The following CFAP61 variants were observed in gnomAD, a reference collection of about 807,000 sequenced individuals.
The protein encoded by CFAP61 is cilia- and flagella-associated protein 61.
A neutral mutation model predicts 135.6 loss-of-function variants in CFAP61; 107 were observed. The observed-to-expected ratio is 0.79, with a 90% CI of 0.67 to 0.93. The LOEUF (loss-of-function observed/expected upper bound fraction) is 0.93, where lower values mean the gene tolerates loss of function less well. Among genes scored for constraint, CFAP61 ranks in the 40% least tolerant of loss-of-function variants. The pLI, the probability that CFAP61 is intolerant of heterozygous loss-of-function variation, is 0.00. For missense variants in CFAP61, 1,507 were observed against 1,556.2 expected, an observed-to-expected ratio of 0.97 and a Z score of 0.53; for synonymous variants, 575 against 578.5, an observed-to-expected ratio of 0.99 and a Z score of 0.09.
intron 2 of CFAP61, among the ~76,000 whole-genome samples, chr20:20,061,709 C>G (rs979280938): frequency 6.6e-6 from 1 of 152,198 alleles, no homozygotes; most frequent in African/African-American, 2.4e-5. Context: ...TCTCCCGCCT[C>G]CCTGTGTTCC....
chr20:20,275,282 T>C (rs2053662728), intron 21 of CFAP61, among the ~76,000 whole-genome samples: 1 of 152,226 alleles, frequency 6.6e-6, no homozygotes, highest in Non-Finnish European at 1.5e-5. Context: ...CACAACGTGC[T>C]TCTTGTTTGA....
intron 25 of CFAP61, among the ~76,000 whole-genome samples, chr20:20,318,533 G>T (rs938323686): frequency 3.3e-5 from 5 of 152,190 alleles, no homozygotes; most frequent in East Asian, 3.9e-4. Flanking sequence ...CCGGAGGCAT[G>T]ATTTGAAACG....
At chr20:20,250,887 T>C (rs939732786) in intron 19 of CFAP61, among the ~76,000 whole-genome samples, 1 of 152,236 alleles carries the variant, frequency 6.6e-6, no homozygotes, top group Non-Finnish European at 1.5e-5. Flanking sequence ...TGGAAGCCAG[T>C]GCAGCCACAG....
At chr20:20,114,277 A>G (rs949658894) in intron 8 of CFAP61, among the ~76,000 whole-genome samples, 7 of 152,190 alleles carry the variant, frequency 4.6e-5, no homozygotes, top group African/African-American at 1.7e-4. Context: ...CTCTAAAATT[A>G]AATTAAATTT....
intron 20 of CFAP61, among the ~76,000 whole-genome samples, chr20:20,261,521 C>G (rs2052212339): frequency 2.6e-5 from 4 of 152,182 alleles, no homozygotes. Flanking sequence ...TGCTTGCCCC[C>G]TTTTTCTCCT....
chr20:20,075,842 T>C (rs893561870), intron 6 of CFAP61, among the ~76,000 whole-genome samples: 24 of 152,224 alleles, frequency 1.6e-4, no homozygotes, highest in African/African-American at 5.8e-4. Flanking sequence ...ACATTATTCA[T>C]TGACTCCTTA....
chr20:20,348,797 TA>T (rs36120926), intron 26 of CFAP61, among the ~76,000 whole-genome samples: 160 of 127,148 alleles, frequency 1.3e-3, no homozygotes, highest in East Asian at 6.3e-3. Context: ...GTAAAAACAC[TA>T]AAAAAAAAAA....
At chr20:20,055,586 C>G (rs1467074875) in intron 1 of CFAP61, among the ~76,000 whole-genome samples, 4 of 152,148 alleles carry the variant, frequency 2.6e-5, no homozygotes, top group Admixed American at 2.6e-4. Context: ...CGCTTTCTTT[C>G]TTCTTTTCTT....
chr20:20,131,792 T>A (rs1315573203), intron 8 of CFAP61, among the ~76,000 whole-genome samples: 1 of 152,102 alleles, frequency 6.6e-6, no homozygotes, highest in African/African-American at 2.4e-5. Context: ...ATTCTTGGTC[T>A]TAGCTGCAAC....
chr20:20,127,705 G>A (rs532223133), intron 8 of CFAP61, among the ~76,000 whole-genome samples: 4 of 151,620 alleles, frequency 2.6e-5, no homozygotes, highest in Non-Finnish European at 5.9e-5. Flanking sequence ...CTCTATTTTT[G>A]TGTTGGTTGG....
chr20:20,286,804 A>G (rs2054616822), intron 22 of CFAP61, among the ~76,000 whole-genome samples: 1 of 152,262 alleles, frequency 6.6e-6, no homozygotes. Flanking sequence ...CCAAAAGTGT[A>G]TAAGTAAACA....
intron 15 of CFAP61, among the ~76,000 whole-genome samples, chr20:20,194,479 TTC>T (rs1256116512): frequency 6.6e-6 from 1 of 152,238 alleles, no homozygotes; most frequent in Non-Finnish European, 1.5e-5. Context: ...TTTTTAAAAA[TTC>T]TCTGCTATTT....
chr20:20,217,872 C>G (rs868722769), intron 17 of CFAP61, among the ~76,000 whole-genome samples: 2 of 152,322 alleles, frequency 1.3e-5, no homozygotes, highest in Middle Eastern at 3.4e-3. Context: ...CTTCTCCTTT[C>G]AAAGGTTGCT....
At chr20:20,285,294 T>C (rs1405072237) in intron 22 of CFAP61, among the ~76,000 whole-genome samples, 2 of 151,724 alleles carry the variant, frequency 1.3e-5, no homozygotes, top group Non-Finnish European at 2.9e-5. Flanking sequence ...TTTTTGTTTT[T>C]AATTTGTCTT....
In CFAP61 at chr20:20,335,224, C is replaced by A. The variant is rs373040351; in HGVS notation, c.3423-6607C>A. ...TGTTCGGTTTTGGAGTAGTTGGAGT[C>A]TAGAGTGATAAACATGTTCTAGCTC... On this transcript the variant is annotated intron_variant, in intron 25 of 26. Coordinates refer to ENST00000245957, the MANE Select transcript of CFAP61 (RefSeq NM_015585.4). Among the ~76,000 whole-genome samples the A allele has an allele frequency of 2.0e-5, 3 of 152,178 alleles. No individual in the cohort carries two copies. The East Asian group carries it at 5.8e-4, about 29-fold the overall frequency.
intron 13 of CFAP61, among the ~76,000 whole-genome samples, chr20:20,178,911 A>G (rs546950647): frequency 6.6e-6 from 1 of 152,252 alleles, no homozygotes; most frequent in East Asian, 1.9e-4. Context: ...TGAAATACTA[A>G]TGGCTATCAA....
intron 6 of CFAP61, among the ~76,000 whole-genome samples, chr20:20,083,723 C>G (rs1036335597): frequency 5.3e-5 from 8 of 152,066 alleles, no homozygotes; most frequent in African/African-American, 1.9e-4. Flanking sequence ...CAGATTTCCC[C>G]CAACAATCTT....
intron 1 of CFAP61, among the ~76,000 whole-genome samples, chr20:20,054,414 T>C (rs2206814): frequency 0.24 from 36,180 of 151,394 alleles, 5,792 homozygotes; most frequent in East Asian, 0.83. Flanking sequence ...TATATATATA[T>C]ACACACACAC....
At chr20:20,320,411 T>C (rs2057411941) in intron 25 of CFAP61, among the ~76,000 whole-genome samples, 2 of 92,438 alleles carry the variant, frequency 2.2e-5, no homozygotes, top group Non-Finnish European at 4.0e-5. Flanking sequence ...GTAATATATG[T>C]AATATATATT....
Sources: gnomAD v4.1 joint callset for allele counts (sites outside exome capture counted in the v4.1 genomes callset) on GRCh38, gnomAD v4.1.1 for gene constraint, MANE v1.5 for transcripts, NCBI Gene and HGNC (gene_info 2026-07-23, HGNC 2026-07-21) for gene names.